RUNDC3B: variants seen among roughly 807,000 people sequenced by gnomAD.
RUNDC3B encodes the protein RUN domain containing 3B.
RUNDC3B carries 33 observed loss-of-function variants against 58.4 expected under a neutral mutation model. That is an observed-to-expected ratio of 0.56 (90% CI 0.43 to 0.75). The LOEUF (loss-of-function observed/expected upper bound fraction) is 0.75. RUNDC3B is among the 30% of genes least tolerant of loss of function. The pLI, the probability that RUNDC3B is intolerant of heterozygous loss-of-function variation, is 0.00. For synonymous variants in RUNDC3B, 193 were observed against 195.2 expected, an observed-to-expected ratio of 0.99 and a Z score of 0.10; for missense variants, 501 against 535.7, an observed-to-expected ratio of 0.94 and a Z score of 0.64.
chr7:87,640,005 T>G (rs1207263565), intron 1 of RUNDC3B, among the ~76,000 whole-genome samples: 6 of 151,094 alleles, frequency 4.0e-5, no homozygotes, highest in African/African-American at 7.2e-5. Flanking sequence ...TGATTCCAGT[T>G]TTTTACTTTG....
At chr7:87,659,140 C>T in intron 2 of RUNDC3B, 1 of 371,784 alleles carries the variant, frequency 2.7e-6, no homozygotes, top group South Asian at 2.1e-5. Context: ...CTAGCCTGGG[C>T]AATAGAATGA....
intron 4 of RUNDC3B, among the ~76,000 whole-genome samples, chr7:87,712,281 G>C (rs1830158288): frequency 6.6e-6 from 1 of 152,020 alleles, no homozygotes; most frequent in Non-Finnish European, 1.5e-5. Context: ...TAAACAGTGA[G>C]ATGATGATAA....
At chr7:87,652,621 G>GATATAT (rs373344881) in intron 2 of RUNDC3B, among the ~76,000 whole-genome samples, 1,621 of 125,358 alleles carry the variant, frequency 0.013, 27 homozygotes, top group Middle Eastern at 0.028. Flanking sequence ...TGTGGTCACT[G>GATATAT]ATATATATAT....
chr7:87,673,070 C>A (rs1397086883), intron 2 of RUNDC3B, among the ~76,000 whole-genome samples: 1 of 152,216 alleles, frequency 6.6e-6, no homozygotes, highest in Non-Finnish European at 1.5e-5. Context: ...TGTAGGCTTT[C>A]TGCTGAAAGG....
intron 8 of RUNDC3B, among the ~76,000 whole-genome samples, chr7:87,789,524 T>C (rs1835410998): frequency 6.6e-6 from 1 of 152,208 alleles, no homozygotes; most frequent in Admixed American, 6.5e-5. Flanking sequence ...GATGACATTA[T>C]AACGGACAGA....
intron 8 of RUNDC3B, among the ~76,000 whole-genome samples, chr7:87,787,100 T>G (rs1279697961): frequency 6.6e-6 from 1 of 152,152 alleles, no homozygotes; most frequent in Non-Finnish European, 1.5e-5. Flanking sequence ...AAAAACCACT[T>G]TCAAGGATAC....
intron 9 of RUNDC3B, among the ~76,000 whole-genome samples, chr7:87,811,943 A>G (rs962033571): frequency 5.3e-5 from 8 of 152,234 alleles, no homozygotes; most frequent in South Asian, 2.1e-4. Context: ...GTCTCGATGT[A>G]CATTCATGTG....
At chr7:87,675,241 C>A (rs1826209043) in intron 2 of RUNDC3B, among the ~76,000 whole-genome samples, 1 of 152,210 alleles carries the variant, frequency 6.6e-6, no homozygotes, top group Admixed American at 6.5e-5. Context: ...ACTCTAAATG[C>A]CTTCCCTCCA....
rs539653720 is a variant in RUNDC3B at position 87,732,461 on chromosome 7, A to G, written c.459-7330A>G. On this transcript the variant is annotated intron_variant, in intron 4 of 10. Transcript: ENST00000394654. ...GGAGACCTTACCTTCAAGACTGAAG[A>G]CTAGTCATCACAAACGGCACTTGGA... 2.6e-5 allele frequency among the ~76,000 whole-genome samples: 4 copies of G among 152,318 alleles called. No individual in the cohort carries two copies. The South Asian group carries it at 8.3e-4, about 32-fold the overall frequency.
At position 87,628,745 on chromosome 7, in the gene RUNDC3B, C is replaced by A. The variant is rs570176616; in HGVS notation, c.-79C>A. On this transcript the variant is annotated 5_prime_UTR_variant, in exon 1 of 11. Transcript: ENST00000394654. ...TTCCCGCGCCCCCACGGTTGCGGAC[C>A]GAGCGAGAACCCCCTTAAGCAGGTG... 9 of 905,366 alleles carry A rather than the reference C, an allele frequency of 9.9e-6. No homozygotes were observed. In the South Asian group the frequency reaches 4.0e-4, roughly 40 times the overall value. The allele number at this position is 905,366 out of a possible 1,614,324, so 56.1% of individuals were successfully genotyped here.
At chr7:87,782,876 A>G (rs1835009639) in intron 8 of RUNDC3B, among the ~76,000 whole-genome samples, 1 of 152,112 alleles carries the variant, frequency 6.6e-6, no homozygotes, top group South Asian at 2.1e-4. Context: ...GACTTGCTTT[A>G]TGGCCAAGCA....
At chr7:87,700,627 A>C in intron 3 of RUNDC3B, 73 bp downstream of exon 3, 1 of 1,373,988 alleles carries the variant, frequency 7.3e-7, no homozygotes, top group Non-Finnish European at 1.0e-6. Flanking sequence ...GGAAGGTGTG[A>C]AGCTACTTAC....
chr7:87,784,288 T>G (rs984883005), intron 8 of RUNDC3B, among the ~76,000 whole-genome samples: 2 of 152,216 alleles, frequency 1.3e-5, no homozygotes, highest in Admixed American at 6.5e-5. Context: ...GGAAATTCTC[T>G]GAGTTTTTGA....
rs771592220 is a variant in RUNDC3B, at chr7:87,830,042, T to G, written c.*12T>G. On this transcript the variant is annotated 3_prime_UTR_variant, in exon 11 of 11. Coordinates refer to ENST00000394654, the MANE Select transcript of RUNDC3B (RefSeq NM_001134405.2). ...TAACTCCATCCTGAAAATTTTTGTG[T>G]AAAAGCCAAAACTTTTTATGTTGTA... 1.3e-6 allele frequency: 2 copies of G among 1,554,822 alleles called. No homozygotes were observed. The highest frequency in any genetic ancestry group is 1.7e-6 in the Non-Finnish European group (2 of 1,153,530).
intron 3 of RUNDC3B, among the ~76,000 whole-genome samples, chr7:87,708,930 T>C (rs1829836598): frequency 6.6e-6 from 1 of 152,316 alleles, no homozygotes; most frequent in South Asian, 2.1e-4. Flanking sequence ...CTTTTACTTA[T>C]TTTTTCATAA....
At chr7:87,650,289 A>C (rs1823446436) in intron 1 of RUNDC3B, among the ~76,000 whole-genome samples, 1 of 152,166 alleles carries the variant, frequency 6.6e-6, no homozygotes, top group Admixed American at 6.6e-5. Flanking sequence ...CTGCTTTAAC[A>C]AATTGTCTTA....
intron 3 of RUNDC3B, among the ~76,000 whole-genome samples, chr7:87,704,122 T>C (rs978968177): frequency 6.6e-6 from 1 of 151,936 alleles, no homozygotes; most frequent in Non-Finnish European, 1.5e-5. Context: ...GGTTTCACCA[T>C]ATTGGCCAGG....
intron 6 of RUNDC3B, among the ~76,000 whole-genome samples, chr7:87,749,387 C>T (rs1832831911): frequency 6.6e-6 from 1 of 151,992 alleles, no homozygotes; most frequent in Non-Finnish European, 1.5e-5. Context: ...TGCACTAATC[C>T]AAACATGTAT....
chr7:87,829,950 T>A lies in RUNDC3B; in HGVS notation c.1291T>A (p.Ser431Thr). Residue 431 changes from serine (S) to threonine (T), a missense_variant, in exon 11 of 11, where the codon TCT becomes ACT. Ser to Thr is a moderately conservative substitution (Grantham distance 58). Coordinates refer to ENST00000394654, the MANE Select transcript of RUNDC3B (RefSeq NM_001134405.2). ...TCTAACGTCAGTGGCAAGTTACAAG[T>A]CTCTAACAAGCTTAAAATCTAATGA... Reference protein sequence around the residue: ...GSLTSVASYKSLTSLKSNDYL... With the variant: ...GSLTSVASYKTLTSLKSNDYL... The A allele has an allele frequency of 6.2e-7, 1 of 1,609,230 alleles. No individual in the cohort carries two copies. The highest frequency in any genetic ancestry group is 8.5e-7 in the Non-Finnish European group (1 of 1,176,824).
Sources: allele counts gnomAD v4.1 joint callset (sites outside exome capture counted in the v4.1 genomes callset), GRCh38; gene constraint gnomAD v4.1.1; transcripts MANE v1.5; gene names NCBI Gene and HGNC (gene_info 2026-07-23, HGNC 2026-07-21).